Variants in CFAP58 observed in about 807,000 individuals in gnomAD.
The protein encoded by CFAP58 is cilia and flagella associated protein 58.
A neutral mutation model predicts 119.5 loss-of-function variants in CFAP58; 88 were observed. The observed-to-expected ratio is 0.74, with a 90% CI of 0.62 to 0.88. The LOEUF (loss-of-function observed/expected upper bound fraction) is 0.88, where lower values mean the gene tolerates loss of function less well. CFAP58 is among the 40% of genes least tolerant of loss of function. CFAP58 has a pLI of 0.00. For missense variants in CFAP58, 990 were observed against 1,021.2 expected (o/e 0.97, Z 0.42); for synonymous variants, 365 against 366.3 (o/e 1.00, Z 0.04).
chr10:104,359,736 C>T lies in CFAP58; in HGVS notation c.291+1114C>T, dbSNP rs563946512. ...CACTTGAACCAGGAGGTGGAGGTTG[C>T]AGTGAGCCAAGATTGTGCCACTGCA... is the stretch of plus-strand genomic sequence containing the variant. On this transcript the variant is annotated intron_variant, in intron 2 of 17. Transcript: ENST00000369704. Among the ~76,000 whole-genome samples the T allele has an allele frequency of 2.4e-3, 365 of 152,330 alleles. 1 individual carries two copies. Among genetic ancestry groups the T allele is most frequent in the African/African-American group, 8.5e-3 (352 of 41,582 alleles).
chr10:104,385,066 C>T (rs945306590), intron 9 of CFAP58, among the ~76,000 whole-genome samples: 9 of 151,962 alleles, frequency 5.9e-5, no homozygotes, highest in Admixed American at 1.3e-4. Flanking sequence ...ATCAACCCTG[C>T]GTTGTGATTG....
chr10:104,364,732 G>A lies in CFAP58; in HGVS notation c.441-1G>A, dbSNP rs771530215. On this transcript the variant is annotated splice_acceptor_variant, in intron 3 of 17. Coordinates refer to ENST00000369704, the MANE Select transcript of CFAP58 (RefSeq NM_001008723.2). LOFTEE classifies it high-confidence loss of function. The stretch of plus-strand genomic sequence containing the variant: ...CTGACTCCTGTGTTCTTCCTTTTTA[G>A]CATCCGAGATTTACTGAGGTTCAAA... 6 of 1,612,430 alleles carry A rather than the reference G, an allele frequency of 3.7e-6. No homozygotes were observed. The highest frequency in any genetic ancestry group is 5.1e-6 in the Non-Finnish European group (6 of 1,179,350).
chr10:104,412,263 GTTAGTTCACATAAAAGTTTAATAGAATTC>G (rs1564896850), intron 15 of CFAP58, among the ~76,000 whole-genome samples: 1 of 152,066 alleles, frequency 6.6e-6, no homozygotes, highest in Non-Finnish European at 1.5e-5. Context: ...ATAGAATTGT[GTTAGTTCACATAAAAGTTTAATAGAATTC>G]TTAGTTCTCA....
At chr10:104,339,222 C>T in the CFAP58 span, among the ~76,000 whole-genome samples, 4 of 152,186 alleles carry the variant, frequency 2.6e-5, no homozygotes, top group East Asian at 1.9e-4. Flanking sequence ...TTGCTTTTCT[C>T]CGGGATTAAC....
At chr10:104,431,922 A>G (rs2012853546) in intron 15 of CFAP58, among the ~76,000 whole-genome samples, 2 of 152,240 alleles carry the variant, frequency 1.3e-5, no homozygotes, top group African/African-American at 4.8e-5. Context: ...AAAGATAAAA[A>G]TAATTCCATT....
intron 15 of CFAP58, among the ~76,000 whole-genome samples, chr10:104,426,876 T>A (rs1001254388): frequency 6.6e-6 from 1 of 152,242 alleles, no homozygotes; most frequent in African/African-American, 2.4e-5. Flanking sequence ...TATTTTCCTC[T>A]TCCTTTCCAA....
At chr10:104,438,216 A>G (rs971918824) in intron 15 of CFAP58, among the ~76,000 whole-genome samples, 2 of 152,162 alleles carry the variant, frequency 1.3e-5, no homozygotes, top group African/African-American at 4.8e-5. Flanking sequence ...ACATTATCTC[A>G]TAACTTCAGT....
chr10:104,373,062 A>G (rs1379915311), intron 7 of CFAP58, among the ~76,000 whole-genome samples: 1 of 152,220 alleles, frequency 6.6e-6, no homozygotes, highest in Admixed American at 6.5e-5. Context: ...AAATATGTAG[A>G]TATCAATAGC....
chr10:104,391,444 T>A (rs2012038233), intron 9 of CFAP58, among the ~76,000 whole-genome samples: 1 of 152,248 alleles, frequency 6.6e-6, no homozygotes. Flanking sequence ...TTATTTACAC[T>A]GTAGTTTCCT....
In CFAP58 at chr10:104,357,794, T is replaced by C. The variant is rs185327707; in HGVS notation, c.10-547T>C. On this transcript the variant is annotated intron_variant, in intron 1 of 17. Coordinates refer to ENST00000369704, the MANE Select transcript of CFAP58 (RefSeq NM_001008723.2). ...GTGTATATATGTGTGTTTATATACA[T>C]ATATATACACACATATATATGTACA... Among the ~76,000 whole-genome samples the C allele has an allele frequency of 6.6e-3, 936 of 140,876 alleles. 12 individuals carry two copies. The highest frequency in any genetic ancestry group is 8.3e-3 in the Non-Finnish European group (548 of 65,684). 92.4% of individuals were successfully genotyped at this position (140,876 alleles called of 152,430 possible). A position where few individuals can be genotyped will look rare whatever the true frequency, so the allele number is the denominator to read the frequency against.
chr10:104,398,175 A>G (rs2012197964), intron 11 of CFAP58, among the ~76,000 whole-genome samples: 1 of 152,254 alleles, frequency 6.6e-6, no homozygotes, highest in African/African-American at 2.4e-5. Context: ...CTTTATGTGT[A>G]CACACATGTC....
At chr10:104,410,776 G>T (rs535945386) in intron 15 of CFAP58, among the ~76,000 whole-genome samples, 12 of 152,014 alleles carry the variant, frequency 7.9e-5, no homozygotes, top group African/African-American at 2.9e-4. Context: ...CTGTGTCTTC[G>T]AATAGTCTCT....
intron 8 of CFAP58, among the ~76,000 whole-genome samples, chr10:104,379,388 C>T (rs1316082272): frequency 4.6e-5 from 7 of 152,104 alleles, no homozygotes; most frequent in Non-Finnish European, 8.8e-5. Context: ...TGTGGATATA[C>T]TATATTTTGC....
At chr10:104,345,017 A>C in the CFAP58 span, among the ~76,000 whole-genome samples, 1 of 152,000 alleles carries the variant, frequency 6.6e-6, no homozygotes, top group Admixed American at 6.5e-5. Context: ...GCATGGTGGC[A>C]CATGCCTATA....
At position 104,394,484 on chromosome 10, in the gene CFAP58, T is replaced by C. The variant is rs138620256; in HGVS notation, c.1674+1009T>C. Among the ~76,000 whole-genome samples, 25 of 152,342 alleles carry C rather than the reference T, an allele frequency of 1.6e-4. No individual in the cohort carries two copies. In the South Asian group the frequency reaches 3.1e-3, roughly 19 times the overall value. On this transcript the variant is annotated intron_variant, in intron 11 of 17. Coordinates refer to ENST00000369704, the MANE Select transcript of CFAP58 (RefSeq NM_001008723.2). ...CTAGTGTTGGGCAGGCTCAATGCCATATTTTCTAGATTCTAAGATACCATA... is the reference window on the plus strand; with the variant it reads ...CTAGTGTTGGGCAGGCTCAATGCCACATTTTCTAGATTCTAAGATACCATA...
chr10:104,362,203 C>A, intron 3 of CFAP58, 32 bp downstream of exon 3: 1 of 1,574,752 alleles, frequency 6.4e-7, no homozygotes, highest in Non-Finnish European at 8.6e-7. Flanking sequence ...GTATGTTAAA[C>A]TTGCTTTTGC....
intron 15 of CFAP58, among the ~76,000 whole-genome samples, chr10:104,429,044 T>A (rs1305964752): frequency 6.6e-6 from 1 of 152,178 alleles, no homozygotes; most frequent in Non-Finnish European, 1.5e-5. Flanking sequence ...TTTTGTTGAA[T>A]TCGTAGCAGC....
At chr10:104,397,244 G>T (rs116860688) in intron 11 of CFAP58, among the ~76,000 whole-genome samples, 1,633 of 152,246 alleles carry the variant, frequency 0.011, 8 homozygotes, top group Non-Finnish European at 0.017. Flanking sequence ...AAACAGAAAG[G>T]CTGGTTCTTT....
intron 7 of CFAP58, among the ~76,000 whole-genome samples, chr10:104,372,197 A>G (rs756772021): frequency 1.3e-5 from 2 of 152,110 alleles, no homozygotes; most frequent in Non-Finnish European, 2.9e-5. Flanking sequence ...TACCAAAAAT[A>G]CAAAAATTAG....
Sources: gnomAD v4.1 joint callset for allele counts (sites outside exome capture counted in the v4.1 genomes callset) on GRCh38, gnomAD v4.1.1 for gene constraint, MANE v1.5 for transcripts, NCBI Gene and HGNC (gene_info 2026-07-23, HGNC 2026-07-21) for gene names.